The following POLR3B variants were observed in gnomAD, a reference collection of about 807,000 sequenced individuals.
POLR3B encodes the protein DNA-directed RNA polymerase III subunit RPC2.
Under a neutral mutation model 147.4 loss-of-function variants are expected in POLR3B, and 96 were observed. That is an observed-to-expected ratio of 0.65 (90% CI 0.55 to 0.77). POLR3B has a LOEUF of 0.77. Ranked by LOEUF, POLR3B falls within the 30% of genes least tolerant of loss-of-function variation. The pLI is 0.00. For synonymous variants in POLR3B, 461 were observed against 485.9 expected (o/e 0.95, Z 0.67); for missense variants, 1,036 against 1,413.5 (o/e 0.73, Z 4.28).
chr12:106,468,790 T>A (rs1173295121), intron 23 of POLR3B, among the ~76,000 whole-genome samples: 1 of 152,132 alleles, frequency 6.6e-6, no homozygotes, highest in South Asian at 2.1e-4. Flanking sequence ...AATTTGATTG[T>A]GCTGTGGTCT....
intron 6 of POLR3B, among the ~76,000 whole-genome samples, chr12:106,375,795 G>C (rs1192950813): frequency 6.6e-6 from 1 of 152,178 alleles, no homozygotes; most frequent in East Asian, 1.9e-4. Context: ...AAGTGTTGCT[G>C]TCATTTCTGA....
At chr12:106,471,531 C>A (rs770858060) in intron 23 of POLR3B, among the ~76,000 whole-genome samples, 3 of 152,036 alleles carry the variant, frequency 2.0e-5, no homozygotes, top group Non-Finnish European at 4.4e-5. Flanking sequence ...ATGCAGAAAT[C>A]CCCTGTCTTC....
chr12:106,442,667 T>A (rs1489505110), intron 18 of POLR3B, among the ~76,000 whole-genome samples: 2 of 151,934 alleles, frequency 1.3e-5, no homozygotes, highest in Non-Finnish European at 2.9e-5. Context: ...AAGTGGGAGA[T>A]CTTTTACCAG....
chr12:106,433,662 A>T, intron 15 of POLR3B, 57 bp from the exon 16 acceptor site: 1 of 1,418,730 alleles, frequency 7.0e-7, no homozygotes, highest in South Asian at 1.2e-5. Context: ...TGGATATATT[A>T]AATCAGGTTG....
chr12:106,482,183 A>G (rs1232686548), intron 23 of POLR3B, among the ~76,000 whole-genome samples: 2 of 152,240 alleles, frequency 1.3e-5, no homozygotes, highest in East Asian at 3.8e-4. Context: ...CAGAGGCATG[A>G]CAGTAGTAAA....
At chr12:106,409,739 T>G (rs543650282) in intron 11 of POLR3B, among the ~76,000 whole-genome samples, 1 of 152,110 alleles carries the variant, frequency 6.6e-6, no homozygotes, top group East Asian at 1.9e-4. Context: ...TAAAAGAGAT[T>G]TCATTGGGAT....
chr12:106,450,173 A>G (rs988179954), intron 19 of POLR3B, among the ~76,000 whole-genome samples: 5 of 152,194 alleles, frequency 3.3e-5, no homozygotes, highest in African/African-American at 9.7e-5. Context: ...AAATATCTGT[A>G]TACTTATATG....
intron 23 of POLR3B, among the ~76,000 whole-genome samples, chr12:106,490,114 AG>A (rs1419177797): frequency 6.6e-6 from 1 of 152,226 alleles, no homozygotes; most frequent in East Asian, 1.9e-4. Context: ...GTAGCTCGCC[AG>A]TAACCCTCTG....
intron 23 of POLR3B, among the ~76,000 whole-genome samples, chr12:106,485,741 AG>A (rs1171627525): frequency 6.6e-6 from 1 of 152,178 alleles, no homozygotes; most frequent in Non-Finnish European, 1.5e-5. Context: ...ACAAGGGCAG[AG>A]GTTGAGAGTT....
At chr12:106,468,448 C>T (rs754343448) in intron 23 of POLR3B, among the ~76,000 whole-genome samples, 16 of 152,110 alleles carry the variant, frequency 1.1e-4, no homozygotes, top group Non-Finnish European at 1.6e-4. Flanking sequence ...GTCTCTATCT[C>T]CTTCAGTTCT....
intron 18 of POLR3B, 58 bp downstream of exon 18, chr12:106,437,837 T>C (rs2037598301): frequency 6.7e-6 from 6 of 896,560 alleles, no homozygotes; most frequent in Non-Finnish European, 1.9e-6. Flanking sequence ...GAAACTACCT[T>C]CTCTTTTACT....
At chr12:106,447,343 G>A (rs761996960) in intron 19 of POLR3B, among the ~76,000 whole-genome samples, 12 of 152,068 alleles carry the variant, frequency 7.9e-5, no homozygotes, top group Non-Finnish European at 1.6e-4. Flanking sequence ...CACAGAGATG[G>A]AAAGCCTTAC....
intron 12 of POLR3B, among the ~76,000 whole-genome samples, chr12:106,421,136 T>C (rs2037368653): frequency 6.6e-6 from 1 of 152,154 alleles, no homozygotes; most frequent in Admixed American, 6.6e-5. Context: ...CATTTCTGTT[T>C]TCCATTGTGT....
At chr12:106,386,033 A>G (rs2036831635) in intron 9 of POLR3B, among the ~76,000 whole-genome samples, 1 of 152,162 alleles carries the variant, frequency 6.6e-6, no homozygotes, top group South Asian at 2.1e-4. Flanking sequence ...TTATGTACAT[A>G]CTGATGAATA....
At chr12:106,479,796 C>CTTCTTTTCTTTTCTT (rs71072680) in intron 23 of POLR3B, among the ~76,000 whole-genome samples, 6,398 of 133,960 alleles carry the variant, frequency 0.048, 473 homozygotes, top group African/African-American at 0.13. Context: ...TCTTTCCTTC[C>CTTCTTTTCTTTTCTT]TTCTTTTCTT....
At chr12:106,499,609 C>T (rs564212940) in intron 25 of POLR3B, among the ~76,000 whole-genome samples, 1 of 152,202 alleles carries the variant, frequency 6.6e-6, no homozygotes, top group Non-Finnish European at 1.5e-5. Context: ...TAAATTCTAC[C>T]ATGAGCAACC....
Position 106,415,221 on chromosome 12 carries a change from A to G in POLR3B, c.1101+4261A>G, listed in dbSNP as rs145492351. Among the ~76,000 whole-genome samples the G allele has an allele frequency of 2.6e-3, 392 of 152,340 alleles. 1 individual carries two copies. Among genetic ancestry groups the G allele is most frequent in the Non-Finnish European group, 4.1e-3 (277 of 68,030 alleles). On this transcript the variant is annotated intron_variant, in intron 12 of 27. Transcript: ENST00000228347. ...TGCTAATAAAATTATTTCAACACAC[A>G]AATATGATCTTCTCACTCTTGTACT...
At chr12:106,489,371 G>A (rs1339321191) in intron 23 of POLR3B, among the ~76,000 whole-genome samples, 13 of 152,260 alleles carry the variant, frequency 8.5e-5, no homozygotes, top group South Asian at 2.1e-4. Flanking sequence ...AGGATTATGC[G>A]TATATGGATA....
At chr12:106,437,554 T>C in intron 17 of POLR3B, 127 bp from the exon 18 acceptor site, 1 of 688,818 alleles carries the variant, frequency 1.5e-6, no homozygotes, top group Non-Finnish European at 2.7e-6. Context: ...GGTATCCCAA[T>C]GTAATGATAT....
Sources: allele counts gnomAD v4.1 joint callset (sites outside exome capture counted in the v4.1 genomes callset), GRCh38; gene constraint gnomAD v4.1.1; transcripts MANE v1.5; gene names NCBI Gene and HGNC (gene_info 2026-07-23, HGNC 2026-07-21).